Variants in MCMBP observed in about 807,000 individuals in gnomAD.
MCMBP encodes the protein mini-chromosome maintenance complex-binding protein.
A neutral mutation model predicts 81.3 loss-of-function variants in MCMBP; 31 were observed. That is an observed-to-expected ratio of 0.38 (90% CI 0.29 to 0.51). MCMBP has a LOEUF of 0.51. Ranked by LOEUF, MCMBP falls within the 20% of genes least tolerant of loss-of-function variation. The pLI, the probability that MCMBP is intolerant of heterozygous loss-of-function variation, is 0.87. For synonymous variants in MCMBP, 267 were observed against 275.9 expected (o/e 0.97, Z 0.32); for missense variants, 645 against 772.1 (o/e 0.84, Z 1.95).
chr10:119,868,550 T>C (rs1039889793), intron 1 of MCMBP, among the ~76,000 whole-genome samples: 3 of 152,234 alleles, frequency 2.0e-5, no homozygotes, highest in Admixed American at 6.5e-5. Flanking sequence ...GCACTTTCAA[T>C]GTACAAGGCA....
Position 119,872,510 on chromosome 10 carries a change from C to T in MCMBP, c.58+17G>A, listed in dbSNP as rs1206823197. On this transcript the variant is annotated intron_variant, in intron 1 of 15. Coordinates refer to ENST00000369077, the MANE Select transcript of MCMBP (RefSeq NM_001256378.2). Reference sequence around the variant, plus strand: ...CTCGGCTGCCCGCCCGGCCCGCCCCCCGGCGCCGCCACTCACCGAAGAATC... The same window carrying T: ...CTCGGCTGCCCGCCCGGCCCGCCCCTCGGCGCCGCCACTCACCGAAGAATC... The T allele has an allele frequency of 1.7e-6, 2 of 1,189,770 alleles. No homozygotes were observed. Among genetic ancestry groups the T allele is most frequent in the Non-Finnish European group, 2.1e-6 (2 of 954,984 alleles). 73.7% of individuals were successfully genotyped at this position (1,189,770 alleles called of 1,614,324 possible). A position where few individuals can be genotyped will look rare whatever the true frequency, so the allele number is the denominator to read the frequency against.
At chr10:119,838,411 C>T in intron 12 of MCMBP, 124 bp downstream of exon 12, 1 of 870,292 alleles carries the variant, frequency 1.1e-6, no homozygotes, top group Non-Finnish European at 1.7e-6. Context: ...AATTCATATG[C>T]CAAGCCTTTA....
At chr10:119,865,473 C>G (rs1026607722) in intron 1 of MCMBP, among the ~76,000 whole-genome samples, 9 of 152,282 alleles carry the variant, frequency 5.9e-5, no homozygotes, top group African/African-American at 2.2e-4. Flanking sequence ...TACCTGTAAT[C>G]CCAGCTACTT....
chr10:119,872,699 T>G lies in MCMBP; in HGVS notation c.-115A>C. On this transcript the variant is annotated 5_prime_UTR_variant, in exon 1 of 16. Transcript: ENST00000369077. ...CGGCTCGGCCGCTCCTCGCCCGCGT[T>G]CGCTCGCGCCCTCCCACGCACAGCG... 2.5e-6 allele frequency: 1 copy of G among 407,008 alleles called. No homozygotes were observed. Among genetic ancestry groups the G allele is most frequent in the Non-Finnish European group, 3.5e-6 (1 of 281,710 alleles). The allele number at this position is 407,008 out of a possible 1,614,324, so 25.2% of individuals were successfully genotyped here.
chr10:119,845,571 GAACA>G (rs1381400288), intron 8 of MCMBP, among the ~76,000 whole-genome samples: 1 of 152,192 alleles, frequency 6.6e-6, no homozygotes, highest in Admixed American at 6.5e-5. Flanking sequence ...GGCTGGGTGG[GAACA>G]GACAGCAGGA....
At chr10:119,858,474 C>G (rs1031134682) in intron 4 of MCMBP, among the ~76,000 whole-genome samples, 2 of 152,046 alleles carry the variant, frequency 1.3e-5, no homozygotes, top group Admixed American at 6.6e-5. Context: ...ACTTTTGAAT[C>G]TCATCTCCGA....
intron 12 of MCMBP, among the ~76,000 whole-genome samples, 183 bp from the exon 13 acceptor site, chr10:119,837,212 A>G (rs1852278655): frequency 6.6e-6 from 1 of 152,282 alleles, no homozygotes; most frequent in South Asian, 2.1e-4. Flanking sequence ...TGGTCAAGGT[A>G]GAACTTTCTG....
chr10:119,830,972 T>C lies in MCMBP; in HGVS notation c.*502A>G, dbSNP rs547614023. On this transcript the variant is annotated 3_prime_UTR_variant, in exon 16 of 16. Coordinates refer to ENST00000369077, the MANE Select transcript of MCMBP (RefSeq NM_001256378.2). ...TGGGAAATGACAGTACAGAATTTCATGTAGTCATGTGAATCAATGGCAAGT... is the reference window on the plus strand; with the variant it reads ...TGGGAAATGACAGTACAGAATTTCACGTAGTCATGTGAATCAATGGCAAGT... 2.0e-5 allele frequency: 3 copies of C among 152,436 alleles called. No individual in the cohort carries two copies. Among genetic ancestry groups the C allele is most frequent in the South Asian group, 2.1e-4 (1 of 4,826 alleles). The allele number at this position is 152,436 out of a possible 1,614,324, so 9.4% of individuals were successfully genotyped here.
intron 7 of MCMBP, among the ~76,000 whole-genome samples, 155 bp downstream of exon 7, chr10:119,849,270 T>TA (rs1025621989): frequency 6.6e-6 from 1 of 152,212 alleles, no homozygotes; most frequent in African/African-American, 2.4e-5. Context: ...CTAAAGCCTG[T>TA]AAGATGATAA....
At chr10:119,840,362 C>A (rs541517390) in intron 11 of MCMBP, among the ~76,000 whole-genome samples, 1 of 152,272 alleles carries the variant, frequency 6.6e-6, no homozygotes, top group South Asian at 2.1e-4. Context: ...TAATCAGAAG[C>A]AATTCCCCTG....
At position 119,860,025 on chromosome 10, in the gene MCMBP, G is replaced by C. The variant is rs1853196331; in HGVS notation, c.59-141C>G. 5 of 614,774 alleles carry C rather than the reference G, an allele frequency of 8.1e-6. No homozygotes were observed. The South Asian group carries it at 1.0e-4, about 13-fold the overall frequency. The allele number at this position is 614,774 out of a possible 1,614,324, so 38.1% of individuals were successfully genotyped here. On this transcript the variant is annotated intron_variant, in intron 1 of 15. Transcript: ENST00000369077. ...TATGATAGAATGAATTTTTAGATAG[G>C]GTGTATTTTATGCTTCAGTGTGTCT...
intron 1 of MCMBP, among the ~76,000 whole-genome samples, chr10:119,865,639 T>G (rs1282056676): frequency 6.6e-6 from 1 of 152,214 alleles, no homozygotes; most frequent in Non-Finnish European, 1.5e-5. Flanking sequence ...CCAAAAAGCT[T>G]ACATTCACAC....
Position 119,872,556 on chromosome 10 carries a change from T to C in MCMBP, c.29A>G (p.His10Arg). 1 of 1,184,142 alleles carries C rather than the reference T, an allele frequency of 8.4e-7. No individual in the cohort carries two copies. The allele number at this position is 1,184,142 out of a possible 1,614,324, so 73.4% of individuals were successfully genotyped here. Residue 10 changes from histidine (H) to arginine (R), a missense_variant, in exon 1 of 16, where the codon CAC (histidine) becomes CGC (arginine). By Grantham distance (29) the His-to-Arg change is conservative. Transcript: ENST00000369077. ...GAATCCCTGCACGATTCCCAGCGGG[T>C]GGCTGAGCCAATCCTCCCCACACGG... is the stretch of plus-strand genomic sequence containing the variant. MPCGEDWLS[H>R]PLGIVQGFFA...
At chr10:119,865,317 C>T (rs1853413365) in intron 1 of MCMBP, among the ~76,000 whole-genome samples, 1 of 152,172 alleles carries the variant, frequency 6.6e-6, no homozygotes, top group Non-Finnish European at 1.5e-5. Context: ...TTAGGCCAGG[C>T]GTAGTGGCTT....
Position 119,840,980 on chromosome 10 carries a change from A to T in MCMBP, c.1125-20T>A. 7.3e-7 allele frequency: 1 copy of T among 1,375,162 alleles called. No homozygotes were observed. The allele number at this position is 1,375,162 out of a possible 1,614,324, so 85.2% of individuals were successfully genotyped here. On this transcript the variant is annotated intron_variant, in intron 10 of 15. Transcript: ENST00000369077. ...GTATATCTAGAAAAGAAAGAAATCA[A>T]TCAATAAGATGCTGAAGTGACTTCC...
At chr10:119,866,672 T>C (rs1564888404) in intron 1 of MCMBP, among the ~76,000 whole-genome samples, 1 of 152,090 alleles carries the variant, frequency 6.6e-6, no homozygotes, top group South Asian at 2.1e-4. Context: ...CACAACATCA[T>C]TATGAATACA....
At chr10:119,833,765 C>T (rs1184591696) in intron 14 of MCMBP, among the ~76,000 whole-genome samples, 1 of 151,910 alleles carries the variant, frequency 6.6e-6, no homozygotes, top group Non-Finnish European at 1.5e-5. Flanking sequence ...GAAAACTGTC[C>T]CAGAGGAAAC....
chr10:119,843,323 A>C lies in MCMBP; in HGVS notation c.931T>G (p.Leu311Val). ...ASLVPRIHVI[L>V]AQKLQHINPL... ...TTGATGTGTTGCAACTTCTGGGCTA[A>C]GATCACATGAATTCTCGGCACTAAT... is the stretch of plus-strand genomic sequence containing the variant. The change falls in exon 9 of 16, where the codon TTA becomes GTA. Residue 311 changes from leucine to valine, a missense_variant. Coordinates refer to ENST00000369077, the MANE Select transcript of MCMBP (RefSeq NM_001256378.2). 1 of 1,614,082 alleles carries C rather than the reference A, an allele frequency of 6.2e-7. No homozygotes were observed. Among genetic ancestry groups the C allele is most frequent in the Non-Finnish European group, 8.5e-7 (1 of 1,179,950 alleles).
intron 14 of MCMBP, among the ~76,000 whole-genome samples, chr10:119,834,745 C>G (rs1034389771): frequency 6.7e-6 from 1 of 149,450 alleles, no homozygotes; most frequent in African/African-American, 2.5e-5. Context: ...CCTGTGGTCC[C>G]AACTACTCAG....
Sources: allele counts gnomAD v4.1 joint callset (sites outside exome capture counted in the v4.1 genomes callset), GRCh38; gene constraint gnomAD v4.1.1; transcripts MANE v1.5; gene names NCBI Gene and HGNC (gene_info 2026-07-23, HGNC 2026-07-21).